The following SLC38A9 variants were observed in gnomAD, a reference collection of about 807,000 sequenced individuals.
The protein encoded by SLC38A9 is solute carrier family 38 member 9.
A neutral mutation model predicts 62.3 loss-of-function variants in SLC38A9; 48 were observed. That is an observed-to-expected ratio of 0.77 (90% CI 0.61 to 0.98). SLC38A9 has a LOEUF of 0.98. Ranked by LOEUF, SLC38A9 falls within the 50% of genes least tolerant of loss-of-function variation. The pLI, the probability that SLC38A9 is intolerant of heterozygous loss-of-function variation, is 0.00. For missense variants in SLC38A9, 541 were observed against 679.8 expected (o/e 0.80, Z 2.27); for synonymous variants, 204 against 227.7 (o/e 0.90, Z 0.94).
intron 8 of SLC38A9, chr5:55,657,839 G>C (rs934625669): frequency 6.6e-6 from 1 of 152,150 alleles, no homozygotes. Flanking sequence ...CATCTTCACC[G>C]TATGTTTCTC....
chr5:55,665,785 A>G (rs1750362628), intron 7 of SLC38A9, among the ~76,000 whole-genome samples: 1 of 151,740 alleles, frequency 6.6e-6, no homozygotes, highest in Non-Finnish European at 1.5e-5. Context: ...GCAACATGGC[A>G]AAACCCCATA....
intron 7 of SLC38A9, among the ~76,000 whole-genome samples, chr5:55,666,736 A>G (rs998132055): frequency 2.0e-5 from 3 of 151,840 alleles, no homozygotes; most frequent in Admixed American, 6.6e-5. Context: ...TCTACAAAAA[A>G]TACAAAAATT....
At chr5:55,704,025 A>C (rs3846510) in intron 2 of SLC38A9, 83,004 of 151,806 alleles carry the variant, frequency 0.55, 24,049 homozygotes, top group South Asian at 0.65. Context: ...TATGCATGCC[A>C]GGCATGGTGG....
intron 2 of SLC38A9, among the ~76,000 whole-genome samples, chr5:55,710,224 ACAGGATCTCCCTC>A (rs1757836543): frequency 2.1e-5 from 3 of 145,240 alleles, no homozygotes; most frequent in African/African-American, 7.6e-5. Flanking sequence ...TTTTTTTAAG[ACAGGATCTCCCTC>A]TGTGGCTCAG....
intron 3 of SLC38A9, among the ~76,000 whole-genome samples, chr5:55,678,645 C>A (rs1580316558): frequency 2.2e-5 from 1 of 45,832 alleles, no homozygotes; most frequent in Non-Finnish European, 4.3e-5. Flanking sequence ...CTGAAATGAA[C>A]TTTTTTTTTT....
chr5:55,645,989 GTT>G (rs1227037454), intron 11 of SLC38A9, 94 bp from the exon 12 acceptor site: 2 of 723,882 alleles, frequency 2.8e-6, no homozygotes, highest in Non-Finnish European at 4.7e-6. Flanking sequence ...AGTTGTCACT[GTT>G]TTATCCAGGG....
At chr5:55,688,615 C>G (rs1029737200) in intron 3 of SLC38A9, among the ~76,000 whole-genome samples, 1 of 151,950 alleles carries the variant, frequency 6.6e-6, no homozygotes, top group African/African-American at 2.4e-5. Context: ...CTCCTGACCT[C>G]GTGATCCGCC....
intron 14 of SLC38A9, among the ~76,000 whole-genome samples, chr5:55,632,398 A>G (rs990744434): frequency 3.3e-5 from 5 of 152,222 alleles, no homozygotes; most frequent in African/African-American, 4.8e-5. Flanking sequence ...AGATCGCGCC[A>G]CTGCACTCCA....
chr5:55,703,460 C>T (rs1306432739), intron 2 of SLC38A9, among the ~76,000 whole-genome samples: 3 of 152,210 alleles, frequency 2.0e-5, no homozygotes, highest in African/African-American at 7.2e-5. Flanking sequence ...ATGTATTATA[C>T]ATATTCAAAA....
At chr5:55,705,095 T>C (rs1757123075) in intron 2 of SLC38A9, among the ~76,000 whole-genome samples, 1 of 152,316 alleles carries the variant, frequency 6.6e-6, no homozygotes, top group Non-Finnish European at 1.5e-5. Context: ...AAAATATGTA[T>C]TGCCTTAACT....
At chr5:55,689,337 A>G (rs1045356878) in intron 3 of SLC38A9, among the ~76,000 whole-genome samples, 1 of 152,220 alleles carries the variant, frequency 6.6e-6, no homozygotes, top group African/African-American at 2.4e-5. Context: ...GGCAAGCCAA[A>G]GATGCATAAT....
rs371080948 is a variant in SLC38A9 at position 55,641,101 on chromosome 5, A to C, written c.1167+4688T>G. Among the ~76,000 whole-genome samples the C allele has an allele frequency of 5.4e-4, 82 of 152,274 alleles. 1 individual carries two copies. In the South Asian group the frequency reaches 0.016, roughly 30 times the overall value. On this transcript the variant is annotated intron_variant, in intron 12 of 15. Coordinates refer to ENST00000396865, the MANE Select transcript of SLC38A9 (RefSeq NM_173514.4). The stretch of plus-strand genomic sequence containing the variant: ...GTGATCCACGCACCTCGGCCTCCCA[A>C]AGTGCTGGGATTACAGGCATGAGCC...
chr5:55,707,428 C>G (rs1757430826), intron 2 of SLC38A9, among the ~76,000 whole-genome samples: 1 of 152,148 alleles, frequency 6.6e-6, no homozygotes. Flanking sequence ...CATATTCCAG[C>G]CTGGCCAACA....
At chr5:55,639,092 C>T (rs570453285) in intron 12 of SLC38A9, among the ~76,000 whole-genome samples, 26 of 151,662 alleles carry the variant, frequency 1.7e-4, no homozygotes, top group Admixed American at 6.6e-4. Context: ...CCGAGGCGGG[C>T]GGATCACCCC....
rs181422378 is a variant in SLC38A9, at chr5:55,640,815, G to C, written c.1167+4974C>G. 6.3e-3 allele frequency among the ~76,000 whole-genome samples: 952 copies of C among 152,244 alleles called. 8 individuals carry two copies. Among genetic ancestry groups the C allele is most frequent in the African/African-American group, 0.022 (923 of 41,526 alleles). ...TCTTACTGTCAGTTATAAATGTATAGGGAAATGAAGAAAAAGTAAAATATG... is the reference window on the plus strand; with the variant it reads ...TCTTACTGTCAGTTATAAATGTATACGGAAATGAAGAAAAAGTAAAATATG... On this transcript the variant is annotated intron_variant, in intron 12 of 15. Transcript: ENST00000396865.
At chr5:55,710,497 C>A (rs1249780654) in intron 2 of SLC38A9, among the ~76,000 whole-genome samples, 1 of 152,240 alleles carries the variant, frequency 6.6e-6, no homozygotes, top group African/African-American at 2.4e-5. Context: ...GCGTTAGCCA[C>A]CGCAATCCGC....
intron 10 of SLC38A9, among the ~76,000 whole-genome samples, chr5:55,651,004 T>C (rs1028347462): frequency 4.6e-5 from 7 of 152,112 alleles, no homozygotes; most frequent in Admixed American, 3.3e-4. Flanking sequence ...TTGGTCAGTT[T>C]GGTCTCGAAC....
intron 12 of SLC38A9, among the ~76,000 whole-genome samples, chr5:55,636,411 A>G (rs60344027): frequency 0.042 from 6,403 of 152,340 alleles, 198 homozygotes; most frequent in African/African-American, 0.091. Context: ...AGATCCAAAC[A>G]GAACAGATTC....
intron 7 of SLC38A9, among the ~76,000 whole-genome samples, chr5:55,667,491 T>C (rs1377610358): frequency 6.6e-6 from 1 of 152,204 alleles, no homozygotes; most frequent in Non-Finnish European, 1.5e-5. Flanking sequence ...AATTTGTTAA[T>C]GTAGTGAATT....
Sources: allele counts gnomAD v4.1 joint callset (sites outside exome capture counted in the v4.1 genomes callset), GRCh38; gene constraint gnomAD v4.1.1; transcripts MANE v1.5; gene names NCBI Gene and HGNC (gene_info 2026-07-23, HGNC 2026-07-21).